Variants in RELN observed in about 807,000 individuals in gnomAD.
RELN encodes the protein reelin.
A neutral mutation model predicts 427.6 loss-of-function variants in RELN; 108 were observed. The observed-to-expected ratio is 0.25, with a 90% CI of 0.22 to 0.30. RELN has a LOEUF of 0.30. RELN is among the 10% of genes least tolerant of loss of function. The pLI is 1.00. For missense variants in RELN, 3,715 were observed against 4,302.8 expected, an observed-to-expected ratio of 0.86 and a Z score of 3.82; for synonymous variants, 1,524 against 1,513.4, an observed-to-expected ratio of 1.01 and a Z score of -0.16.
intron 43 of RELN, among the ~76,000 whole-genome samples, chr7:103,541,534 C>A (rs1463807644): frequency 6.6e-6 from 1 of 152,212 alleles, no homozygotes; most frequent in Non-Finnish European, 1.5e-5. Flanking sequence ...AAATCCTACA[C>A]AGCATGCTAC....
intron 1 of RELN, among the ~76,000 whole-genome samples, chr7:103,949,432 G>T (rs1392486524): frequency 6.6e-6 from 1 of 151,952 alleles, no homozygotes; most frequent in Admixed American, 6.6e-5. Context: ...TAGAGGTGGG[G>T]ACTTTGGGAG....
At chr7:103,624,854 T>C (rs1832294917) in intron 20 of RELN, among the ~76,000 whole-genome samples, 1 of 152,174 alleles carries the variant, frequency 6.6e-6, no homozygotes, top group Non-Finnish European at 1.5e-5. Flanking sequence ...TACCAGTGAT[T>C]TACTTGTGTT....
intron 1 of RELN, among the ~76,000 whole-genome samples, chr7:103,964,560 C>T (rs1406995916): frequency 6.6e-6 from 1 of 152,154 alleles, no homozygotes; most frequent in Admixed American, 6.5e-5. Context: ...TCCTGGGAGT[C>T]CACTAAATAA....
chr7:103,546,742 T>A (rs1562883857), intron 41 of RELN, among the ~76,000 whole-genome samples: 1 of 152,196 alleles, frequency 6.6e-6, no homozygotes, highest in Non-Finnish European at 1.5e-5. Context: ...TCACACATAG[T>A]AGATGCTCAG....
At chr7:103,864,386 C>G (rs1794143965) in intron 2 of RELN, among the ~76,000 whole-genome samples, 1 of 152,148 alleles carries the variant, frequency 6.6e-6, no homozygotes, top group South Asian at 2.1e-4. Flanking sequence ...TGCTGTGCAG[C>G]ACACCTCTAG....
At chr7:103,502,735 G>A (rs1441768363) in intron 52 of RELN, among the ~76,000 whole-genome samples, 1 of 152,126 alleles carries the variant, frequency 6.6e-6, no homozygotes. Flanking sequence ...CTGGCTCCAA[G>A]GCCATCACTA....
At chr7:103,848,640 G>A (rs1276897321) in intron 2 of RELN, among the ~76,000 whole-genome samples, 1 of 152,162 alleles carries the variant, frequency 6.6e-6, no homozygotes, top group Non-Finnish European at 1.5e-5. Flanking sequence ...TCTGATAGGT[G>A]TAAACTAGGT....
At chr7:103,787,678 T>C (rs1792052480) in intron 3 of RELN, among the ~76,000 whole-genome samples, 1 of 152,128 alleles carries the variant, frequency 6.6e-6, no homozygotes, top group Non-Finnish European at 1.5e-5. Context: ...GTTCTGAAAT[T>C]GAAGCAGTAA....
intron 50 of RELN, among the ~76,000 whole-genome samples, chr7:103,514,809 A>T (rs568834900): frequency 1.3e-5 from 2 of 152,190 alleles, no homozygotes; most frequent in South Asian, 2.1e-4. Flanking sequence ...GCAAAACACA[A>T]TATTTGTCTT....
intron 1 of RELN, among the ~76,000 whole-genome samples, chr7:103,923,371 T>A (rs1795657439): frequency 6.6e-6 from 1 of 152,100 alleles, no homozygotes; most frequent in Non-Finnish European, 1.5e-5. Flanking sequence ...TCTCATTACA[T>A]ATATTAATTC....
At chr7:103,841,040 A>G (rs1436696776) in intron 2 of RELN, among the ~76,000 whole-genome samples, 1 of 152,168 alleles carries the variant, frequency 6.6e-6, no homozygotes, top group Non-Finnish European at 1.5e-5. Flanking sequence ...TCTTCTCCAG[A>G]GAAAGAGGCT....
chr7:103,644,381 C>G (rs549025685), intron 16 of RELN, among the ~76,000 whole-genome samples: 1 of 145,372 alleles, frequency 6.9e-6, no homozygotes, highest in Non-Finnish European at 1.5e-5. Flanking sequence ...ATATGAATGA[C>G]AAATTTACCA....
At chr7:103,478,272 A>G in intron 64 of RELN, 117 bp downstream of exon 64, 1 of 629,220 alleles carries the variant, frequency 1.6e-6, no homozygotes, top group Non-Finnish European at 2.8e-6. Flanking sequence ...TACTGTTTTC[A>G]TAGATTTTTT....
At chr7:103,489,665 T>C in intron 60 of RELN, 77 bp downstream of exon 60, 1 of 1,525,266 alleles carries the variant, frequency 6.6e-7, no homozygotes, top group Admixed American at 1.9e-5. Flanking sequence ...CATTTCCTAG[T>C]GGACTTTTGT....
At chr7:103,694,429 G>T (rs1304251181) in intron 10 of RELN, among the ~76,000 whole-genome samples, 1 of 151,782 alleles carries the variant, frequency 6.6e-6, no homozygotes, top group Non-Finnish European at 1.5e-5. Context: ...GACTAACACA[G>T]CATCTTCTTT....
rs565295124 is a variant in RELN at position 103,764,228 on chromosome 7, G to A, written c.545-11014C>T. Reference sequence around the variant, plus strand: ...GCCACTATGCTATGCACTTCATCACGACATTTAATCCTCACAACCTTATGA... The same window carrying A: ...GCCACTATGCTATGCACTTCATCACAACATTTAATCCTCACAACCTTATGA... On this transcript the variant is annotated intron_variant, in intron 4 of 64. Coordinates refer to ENST00000428762, the MANE Select transcript of RELN (RefSeq NM_005045.4). Among the ~76,000 whole-genome samples, 14 of 152,234 alleles carry A rather than the reference G, an allele frequency of 9.2e-5. 1 individual carries two copies. The South Asian group carries it at 2.5e-3, about 27-fold the overall frequency.
chr7:103,523,826 CACTACA>C (rs1277013213), intron 46 of RELN, among the ~76,000 whole-genome samples: 2 of 151,960 alleles, frequency 1.3e-5, no homozygotes, highest in Non-Finnish European at 2.9e-5. Flanking sequence ...TATAGGCATG[CACTACA>C]ACACCCAGTT....
rs775701783 is a variant in RELN at position 103,776,574 on chromosome 7, T to A, written c.527A>T (p.Gln176Leu). 6.2e-7 allele frequency: 1 copy of A among 1,614,132 alleles called. No homozygotes were observed. Among genetic ancestry groups the A allele is most frequent in the South Asian group, 1.1e-5 (1 of 91,084 alleles). Reference protein sequence around the residue: ...QVIFKDALAQQLCEQGAPTDV... With the variant: ...QVIFKDALAQLLCEQGAPTDV... ...ACGCTTACCTCCTTGTTCACACAACTGCTGGGCTAAAGCATCTTTGAAAAT... is the reference window on the plus strand; with the variant it reads ...ACGCTTACCTCCTTGTTCACACAACAGCTGGGCTAAAGCATCTTTGAAAAT... The change falls in exon 4 of 65, where the codon CAG becomes CTG. Residue 176 changes from glutamine (Q) to leucine (L), a missense_variant. Around this residue, in one of 4 missense-constraint regions of RELN, gnomAD observed 2,208 missense variants for 2,361.7 expected, o/e 0.93. Transcript: ENST00000428762.
intron 50 of RELN, chr7:103,512,732 T>A (rs1377622597): frequency 1.3e-5 from 2 of 152,240 alleles, no homozygotes; most frequent in Non-Finnish European, 2.9e-5. Flanking sequence ...CCATAATATA[T>A]GTTGCATCTC....
Sources: gnomAD v4.1 joint callset for allele counts (sites outside exome capture counted in the v4.1 genomes callset) on GRCh38, gnomAD v4.1.1 for gene constraint, gnomAD v4.1.1 regional missense constraint, MANE v1.5 for transcripts, NCBI Gene and HGNC (gene_info 2026-07-23, HGNC 2026-07-21) for gene names.